The following SIK2 variants were observed in gnomAD, a reference collection of about 807,000 sequenced individuals.
SIK2 encodes salt inducible kinase 2, also known as serine/threonine-protein kinase SIK2.
Under a neutral mutation model 103.2 loss-of-function variants are expected in SIK2, and 29 were observed. That is an observed-to-expected ratio of 0.28 (90% CI 0.21 to 0.38). SIK2 has a LOEUF of 0.38. SIK2 is among the 10% of genes least tolerant of loss of function. The pLI is 1.00. For missense variants in SIK2, 879 were observed against 1,171.0 expected (o/e 0.75, Z 3.64); for synonymous variants, 412 against 446.1 (o/e 0.92, Z 0.96).
intron 1 of SIK2, among the ~76,000 whole-genome samples, chr11:111,614,670 A>G (rs1357000489): frequency 6.6e-6 from 1 of 152,226 alleles, no homozygotes; most frequent in Non-Finnish European, 1.5e-5. Context: ...TAGTGGTGGA[A>G]GAAAATTTGT....
chr11:111,647,373 T>G (rs1019999520), intron 3 of SIK2, among the ~76,000 whole-genome samples: 1 of 152,164 alleles, frequency 6.6e-6, no homozygotes, highest in Non-Finnish European at 1.5e-5. Flanking sequence ...AATCAGATTT[T>G]TTTATTTGAG....
At chr11:111,612,193 G>A (rs1430867068) in intron 1 of SIK2, among the ~76,000 whole-genome samples, 1 of 152,142 alleles carries the variant, frequency 6.6e-6, no homozygotes, top group Non-Finnish European at 1.5e-5. Context: ...TAATTCATTA[G>A]AGCTTTAAGA....
At chr11:111,640,493 G>A (rs576162499) in intron 3 of SIK2, among the ~76,000 whole-genome samples, 1 of 152,134 alleles carries the variant, frequency 6.6e-6, no homozygotes, top group Admixed American at 6.5e-5. Context: ...ATGTTTAAAT[G>A]TTAAACATTA....
chr11:111,711,179 C>T (rs573656441), intron 8 of SIK2, among the ~76,000 whole-genome samples: 28 of 150,448 alleles, frequency 1.9e-4, no homozygotes, highest in East Asian at 5.9e-4. Context: ...AGTGCAGTGG[C>T]GGGATCTTGG....
intron 7 of SIK2, among the ~76,000 whole-genome samples, chr11:111,703,992 T>C (rs1192205142): frequency 6.6e-6 from 1 of 152,220 alleles, no homozygotes; most frequent in Non-Finnish European, 1.5e-5. Flanking sequence ...AGGATATACG[T>C]ATTTCTAATA....
chr11:111,721,702 C>A, intron 12 of SIK2, 128 bp from the exon 13 acceptor site: 1 of 616,970 alleles, frequency 1.6e-6, no homozygotes, highest in Non-Finnish European at 2.7e-6. Flanking sequence ...TCTGTAAAAG[C>A]TTTGAGTATT....
chr11:111,621,539 A>G (rs1181397893), intron 3 of SIK2, among the ~76,000 whole-genome samples: 1 of 152,200 alleles, frequency 6.6e-6, no homozygotes, highest in Non-Finnish European at 1.5e-5. Context: ...GTTTTTGGCT[A>G]TTATACATAA....
chr11:111,646,226 G>A (rs1057329376), intron 3 of SIK2, among the ~76,000 whole-genome samples: 2 of 152,146 alleles, frequency 1.3e-5, no homozygotes, highest in East Asian at 3.9e-4. Flanking sequence ...AAGGTGGGTG[G>A]ATCTCCTCAG....
At chr11:111,608,594 A>C (rs1441352822) in intron 1 of SIK2, among the ~76,000 whole-genome samples, 1 of 152,234 alleles carries the variant, frequency 6.6e-6, no homozygotes, top group Non-Finnish European at 1.5e-5. Context: ...TTTACTTAAC[A>C]TGTTGTTAAC....
At chr11:111,665,745 G>A (rs545355742) in intron 3 of SIK2, among the ~76,000 whole-genome samples, 1 of 151,646 alleles carries the variant, frequency 6.6e-6, no homozygotes, top group African/African-American at 2.4e-5. Context: ...AGAATCACTT[G>A]AACCCGGGAG....
Position 111,721,937 on chromosome 11 carries a change from C to T in SIK2, c.2052C>T (p.Leu684=). 1 of 1,591,322 alleles carries T rather than the reference C, an allele frequency of 6.3e-7. No individual in the cohort carries two copies. Among genetic ancestry groups the T allele is most frequent in the Non-Finnish European group, 8.5e-7 (1 of 1,169,824 alleles). The change falls in exon 13 of 15, where the codon CTC becomes CTT. Residue 684 remains leucine, a synonymous_variant. Transcript: ENST00000304987. ...SLETQYLQHR[L]QKPSLLSKAQ... ...AGACCCAGTACCTGCAGCACAGACT[C>T]CAGGTGGGTCCTTCTCCTTGCGAGT... is the stretch of plus-strand genomic sequence containing the variant.
At chr11:111,659,552 G>T (rs1418449277) in intron 3 of SIK2, among the ~76,000 whole-genome samples, 3 of 152,104 alleles carry the variant, frequency 2.0e-5, no homozygotes, top group Non-Finnish European at 4.4e-5. Flanking sequence ...ATCTGTCTAT[G>T]CCTCCTCACT....
intron 3 of SIK2, among the ~76,000 whole-genome samples, chr11:111,658,587 A>G (rs35475684): frequency 1.3e-5 from 2 of 152,166 alleles, no homozygotes; most frequent in Non-Finnish European, 2.9e-5. Context: ...TACAAAAAAC[A>G]CAAAAATTAG....
At chr11:111,612,915 GATATATATATATATAT>G (rs67675103) in intron 1 of SIK2, among the ~76,000 whole-genome samples, 819 of 50,008 alleles carry the variant, frequency 0.016, 32 homozygotes, top group Middle Eastern at 0.052. Context: ...ATAGCAATGG[GATATATATATATATAT>G]ATATATATAT....
chr11:111,663,559 A>G (rs1283896170), intron 3 of SIK2, among the ~76,000 whole-genome samples: 2 of 152,160 alleles, frequency 1.3e-5, no homozygotes, highest in African/African-American at 4.8e-5. Context: ...CCAGTGGAGC[A>G]TTTTGAGCAG....
At chr11:111,645,609 T>C (rs1320719260) in intron 3 of SIK2, among the ~76,000 whole-genome samples, 1 of 151,918 alleles carries the variant, frequency 6.6e-6, no homozygotes. Context: ...TCACCTGAGG[T>C]TGGGAGTTCG....
chr11:111,722,004 C>G lies in SIK2; in HGVS notation c.2055+64C>G, dbSNP rs566001461. The G allele has an allele frequency of 1.7e-5, 22 of 1,310,618 alleles. No homozygotes were observed. In the African/African-American group the frequency reaches 2.4e-4, roughly 14 times the overall value. The allele number at this position is 1,310,618 out of a possible 1,614,324, so 81.2% of individuals were successfully genotyped here. The stretch of plus-strand genomic sequence containing the variant: ...ATCCAGAATCTGTTCTTCTGCAAAG[C>G]AGAAACGTGTTTTGCCTGGCATTTA... On this transcript the variant is annotated intron_variant, in intron 13 of 14. Transcript: ENST00000304987. This position sits in a 1 kb window ranked among gnomAD's most constrained non-coding sequence, Gnocchi z 4.4.
intron 3 of SIK2, among the ~76,000 whole-genome samples, chr11:111,644,287 C>CAAAA (rs559236704): frequency 3.0e-4 from 12 of 40,650 alleles, no homozygotes; most frequent in Middle Eastern, 0.012. Context: ...GACTCCATCT[C>CAAAA]AAAAAAAAAA....
At chr11:111,627,549 C>G (rs1239662336) in intron 3 of SIK2, among the ~76,000 whole-genome samples, 3 of 152,174 alleles carry the variant, frequency 2.0e-5, no homozygotes, top group Non-Finnish European at 4.4e-5. Flanking sequence ...TCTTAGAACA[C>G]AGCCCCTGCA....
Sources: allele counts gnomAD v4.1 joint callset (sites outside exome capture counted in the v4.1 genomes callset), GRCh38; gene constraint gnomAD v4.1.1; non-coding constraint Gnocchi (gnomAD v3.1); transcripts MANE v1.5; gene names NCBI Gene and HGNC (gene_info 2026-07-23, HGNC 2026-07-21).